GPR55: variants seen among roughly 807,000 people sequenced by gnomAD.
The protein encoded by GPR55 is G-protein coupled receptor 55.
A neutral mutation model predicts 7.9 loss-of-function variants in GPR55; 6 were observed. The ratio of observed to expected loss-of-function variants is 0.76; its 90% CI spans 0.41 to 1.49. GPR55 has a LOEUF of 1.49. Among genes scored for constraint, GPR55 ranks in the 40% most tolerant of loss-of-function variants. GPR55 has a pLI of 0.01. For synonymous variants in GPR55, 183 were observed against 166.8 expected, an observed-to-expected ratio of 1.10 and a Z score of -0.75; for missense variants, 376 against 406.0, an observed-to-expected ratio of 0.93 and a Z score of 0.63.
Position 230,909,878 on chromosome 2 carries a change from A to G in GPR55, c.*125T>C, listed in dbSNP as rs987532511. 1.6e-5 allele frequency: 16 copies of G among 1,002,646 alleles called. No homozygotes were observed. In the East Asian group the frequency reaches 3.3e-4, roughly 21 times the overall value. 62.1% of individuals were successfully genotyped at this position (1,002,646 alleles called of 1,614,324 possible). A position where few individuals can be genotyped will look rare whatever the true frequency, so the allele number is the denominator to read the frequency against. The stretch of plus-strand genomic sequence containing the variant: ...TGAGCAAAGCTGGCACTCAATGGGC[A>G]TCAAAGGGAAGCACATCAGTGAAGA... On this transcript the variant is annotated 3_prime_UTR_variant, in exon 2 of 2. Coordinates refer to ENST00000650999, the MANE Select transcript of GPR55 (RefSeq NM_005683.4).
At chr2:230,957,050 C>T (rs1691493343) in intron 1 of GPR55, among the ~76,000 whole-genome samples, 1 of 151,946 alleles carries the variant, frequency 6.6e-6, no homozygotes, top group African/African-American at 2.4e-5. Context: ...ATGCCTTTTT[C>T]GTCTTAACTA....
intron 1 of GPR55, among the ~76,000 whole-genome samples, chr2:230,953,762 G>A (rs977226669): frequency 6.6e-6 from 1 of 152,240 alleles, no homozygotes; most frequent in South Asian, 2.1e-4. Context: ...GGGCATTAAA[G>A]AGCAGGATCT....
At chr2:230,937,476 C>T (rs9752650) in intron 1 of GPR55, among the ~76,000 whole-genome samples, 2,244 of 72,788 alleles carry the variant, frequency 0.031, 83 homozygotes, top group African/African-American at 0.21. Flanking sequence ...GAACTAATTG[C>T]GTTAGGGATA....
chr2:230,909,978 T>C lies in GPR55; in HGVS notation c.*25A>G, dbSNP rs774160224. The C allele has an allele frequency of 6.3e-7, 1 of 1,595,046 alleles. No homozygotes were observed. Among genetic ancestry groups the C allele is most frequent in the African/African-American group, 1.3e-5 (1 of 74,084 alleles). On this transcript the variant is annotated 3_prime_UTR_variant, in exon 2 of 2. Transcript: ENST00000650999. ...ACCAGAATTCAGGGCCAGGGCTTTCTTCCCCTGAACAGGATGTCCTTCCGT... is the reference window on the plus strand; with the variant it reads ...ACCAGAATTCAGGGCCAGGGCTTTCCTCCCCTGAACAGGATGTCCTTCCGT...
At chr2:230,930,252 TTTC>T (rs1370103359) in intron 1 of GPR55, among the ~76,000 whole-genome samples, 2 of 152,188 alleles carry the variant, frequency 1.3e-5, no homozygotes, top group Non-Finnish European at 2.9e-5. Flanking sequence ...AAATACTTAT[TTTC>T]TTTTATGTTT....
upstream of GPR55, among the ~76,000 whole-genome samples, chr2:230,925,467 C>A (rs553319970): frequency 6.6e-6 from 1 of 152,034 alleles, no homozygotes; most frequent in Non-Finnish European, 1.5e-5. Context: ...TGCACGCCCC[C>A]CTCCCGCAGC....
rs1451166757 is a variant in GPR55 at position 230,908,949 on chromosome 2, G to A, written c.*1054C>T. ...ATCTCCCTCCCAGCTGCCAGGGAGG[G>A]ACGGCTCCATGGGCAGTGCCACGGG... On this transcript the variant is annotated 3_prime_UTR_variant, in exon 2 of 2. Coordinates refer to ENST00000650999, the MANE Select transcript of GPR55 (RefSeq NM_005683.4). The A allele has an allele frequency of 6.6e-6, 1 of 152,308 alleles. No homozygotes were observed. Among genetic ancestry groups the A allele is most frequent in the Non-Finnish European group, 1.5e-5 (1 of 68,150 alleles). 9.4% of individuals were successfully genotyped at this position (152,308 alleles called of 1,614,324 possible). A position where few individuals can be genotyped will look rare whatever the true frequency, so the allele number is the denominator to read the frequency against.
chr2:230,954,548 T>C (rs1415853899), intron 1 of GPR55, among the ~76,000 whole-genome samples: 2 of 152,214 alleles, frequency 1.3e-5, no homozygotes, highest in African/African-American at 4.8e-5. Flanking sequence ...AGGCATACAA[T>C]GTGTAATAAT....
intron 1 of GPR55, among the ~76,000 whole-genome samples, chr2:230,945,255 G>A (rs1691292215): frequency 6.6e-6 from 1 of 152,130 alleles, no homozygotes; most frequent in African/African-American, 2.4e-5. Context: ...GATTTGAGGT[G>A]GAAAGAGGCT....
upstream of GPR55, among the ~76,000 whole-genome samples, chr2:230,926,280 C>A (rs905517478): frequency 6.6e-6 from 1 of 152,358 alleles, no homozygotes; most frequent in Admixed American, 6.5e-5. Flanking sequence ...ACCATGACAA[C>A]TTTTAAGCTC....
At chr2:230,929,693 G>GGTC (rs1691001506), upstream of GPR55, 1 of 152,230 alleles carries the variant, frequency 6.6e-6, no homozygotes, top group Non-Finnish European at 1.5e-5. Flanking sequence ...GGACAAAGGT[G>GGTC]GTCTTCAAAT....
chr2:230,936,369 G>A (rs1691131613), intron 1 of GPR55, among the ~76,000 whole-genome samples: 1 of 152,154 alleles, frequency 6.6e-6, no homozygotes, highest in African/African-American at 2.4e-5. Context: ...CCCTCATCCT[G>A]TTCTCATGAT....
Position 230,910,076 on chromosome 2 carries a change from C to A in GPR55, c.887G>T (p.Arg296Leu), listed in dbSNP as rs1338659844. 1.9e-6 allele frequency: 3 copies of A among 1,613,938 alleles called. No homozygotes were observed. The highest frequency in any genetic ancestry group is 1.1e-5 in the South Asian group (1 of 91,072). Residue 296 changes from arginine (R) to leucine (L), a missense_variant, in exon 2 of 2, where the codon CGC becomes CTC. Coordinates refer to ENST00000650999, the MANE Select transcript of GPR55 (RefSeq NM_005683.4). This position sits in a 1 kb window ranked among gnomAD's most constrained non-coding sequence, Gnocchi z 5.4. ...AGGCCGGTGGGCCCTGATGTTCATGCGGAATTCTTTGATGACAAAGTAGTA... is the reference window on the plus strand; with the variant it reads ...AGGCCGGTGGGCCCTGATGTTCATGAGGAATTCTTTGATGACAAAGTAGTA... ...FCYYFVIKEF[R>L]MNIRAHRPSR...
chr2:230,932,834 C>T (rs6750171), intron 1 of GPR55, among the ~76,000 whole-genome samples: 29,825 of 152,170 alleles, frequency 0.2, 3,520 homozygotes, highest in Non-Finnish European at 0.26. Context: ...TCAGTCTGCA[C>T]ATCCCTGTAG....
intron 1 of GPR55, among the ~76,000 whole-genome samples, chr2:230,933,676 T>C (rs1449464701): frequency 6.6e-6 from 1 of 152,170 alleles, no homozygotes; most frequent in Non-Finnish European, 1.5e-5. Context: ...CCTCTCTCCT[T>C]ACAGGGCTTG....
chr2:230,917,977 A>G (rs1178843346), intron 1 of GPR55, among the ~76,000 whole-genome samples: 1 of 152,200 alleles, frequency 6.6e-6, no homozygotes, highest in East Asian at 1.9e-4. Flanking sequence ...ATTCTCAGAG[A>G]TAAACACATT....
chr2:230,945,915 A>G (rs1037537775), intron 1 of GPR55, among the ~76,000 whole-genome samples: 2 of 152,222 alleles, frequency 1.3e-5, no homozygotes, highest in African/African-American at 4.8e-5. Context: ...ATGGCATGGT[A>G]GTTGCATTAA....
At chr2:230,960,471 A>G (rs887379409) in intron 1 of GPR55, among the ~76,000 whole-genome samples, 5 of 152,236 alleles carry the variant, frequency 3.3e-5, no homozygotes, top group African/African-American at 1.2e-4. Flanking sequence ...TGTTACTCAG[A>G]TGTTTTCCTA....
intron 1 of GPR55, among the ~76,000 whole-genome samples, chr2:230,936,382 T>G (rs1405662478): frequency 6.6e-6 from 1 of 152,122 alleles, no homozygotes; most frequent in African/African-American, 2.4e-5. Context: ...CTCATGATAG[T>G]GAGTGAGTTC....
Sources: gnomAD v4.1 joint callset for allele counts (sites outside exome capture counted in the v4.1 genomes callset) on GRCh38, gnomAD v4.1.1 for gene constraint, Gnocchi (gnomAD v3.1) non-coding constraint, MANE v1.5 for transcripts, NCBI Gene and HGNC (gene_info 2026-07-23, HGNC 2026-07-21) for gene names.